The following CAB39L variants were observed in gnomAD, a reference collection of about 807,000 sequenced individuals.
The protein encoded by CAB39L is calcium-binding protein 39-like.
CAB39L carries 23 observed loss-of-function variants against 39.1 expected under a neutral mutation model. The observed-to-expected ratio is 0.59, with a 90% CI of 0.42 to 0.83. CAB39L has a LOEUF of 0.83. Among genes scored for constraint, CAB39L ranks in the 40% least tolerant of loss-of-function variants. The pLI is 0.00. For missense variants in CAB39L, 366 were observed against 391.9 expected (o/e 0.93, Z 0.56); for synonymous variants, 126 against 137.2 (o/e 0.92, Z 0.57).
At chr13:49,395,393 G>C (rs890548533) in intron 3 of CAB39L, among the ~76,000 whole-genome samples, 1 of 151,730 alleles carries the variant, frequency 6.6e-6, no homozygotes, top group East Asian at 1.9e-4. Context: ...TCACCACCAC[G>C]TTCGGCTATT....
intron 5 of CAB39L, among the ~76,000 whole-genome samples, chr13:49,364,702 A>C (rs528428172): frequency 2.6e-5 from 4 of 152,244 alleles, no homozygotes; most frequent in African/African-American, 9.6e-5. Flanking sequence ...AATAGCAACA[A>C]ATAAAATTAA....
At chr13:49,388,549 A>G (rs902902795) in intron 3 of CAB39L, among the ~76,000 whole-genome samples, 3 of 152,208 alleles carry the variant, frequency 2.0e-5, no homozygotes, top group Non-Finnish European at 4.4e-5. Flanking sequence ...TCCTTAGCCA[A>G]TATACCATTT....
chr13:49,346,041 G>A (rs1321046462), intron 7 of CAB39L, among the ~76,000 whole-genome samples: 1 of 106,848 alleles, frequency 9.4e-6, no homozygotes, highest in African/African-American at 3.6e-5. Flanking sequence ...TAATAGGGTG[G>A]GGTAGAATTC....
chr13:49,341,061 G>A (rs1421017039), intron 8 of CAB39L, among the ~76,000 whole-genome samples: 3 of 151,988 alleles, frequency 2.0e-5, no homozygotes, highest in African/African-American at 7.2e-5. Context: ...TCATTCTATA[G>A]GAAAAAATAG....
chr13:49,429,215 C>G (rs972355348), intron 3 of CAB39L, among the ~76,000 whole-genome samples: 1 of 152,150 alleles, frequency 6.6e-6, no homozygotes, highest in Non-Finnish European at 1.5e-5. Flanking sequence ...CCTGCTTCAA[C>G]CTTCCTAGTA....
At chr13:49,376,880 A>G (rs1036679165) in intron 5 of CAB39L, 87 bp downstream of exon 5, 9 of 529,384 alleles carry the variant, frequency 1.7e-5, no homozygotes, top group Non-Finnish European at 2.5e-5. Context: ...ATGAAAAGCA[A>G]AAGTTGAATA....
chr13:49,421,877 TTAAG>T (rs1957176611), intron 3 of CAB39L, among the ~76,000 whole-genome samples: 1 of 152,018 alleles, frequency 6.6e-6, no homozygotes. Context: ...AAACACAGAT[TTAAG>T]TAAGACCCAG....
intron 3 of CAB39L, among the ~76,000 whole-genome samples, chr13:49,416,103 T>C (rs1412175913): frequency 1.3e-5 from 2 of 152,232 alleles, no homozygotes; most frequent in Non-Finnish European, 2.9e-5. Flanking sequence ...AGAGCATTTA[T>C]GCTGAACCAC....
At chr13:49,391,447 C>T (rs1956487016) in intron 3 of CAB39L, among the ~76,000 whole-genome samples, 1 of 152,084 alleles carries the variant, frequency 6.6e-6, no homozygotes, top group Non-Finnish European at 1.5e-5. Flanking sequence ...GTCTGTGATG[C>T]TTAATATGAC....
chr13:49,384,377 G>A (rs1005043525), intron 3 of CAB39L, among the ~76,000 whole-genome samples: 2 of 152,188 alleles, frequency 1.3e-5, no homozygotes, highest in Non-Finnish European at 2.9e-5. Context: ...TTCCTCCACT[G>A]AAGTCTTGAA....
intron 1 of CAB39L, among the ~76,000 whole-genome samples, chr13:49,437,494 T>C (rs182040391): frequency 6.6e-6 from 1 of 152,320 alleles, no homozygotes; most frequent in Non-Finnish European, 1.5e-5. Context: ...TTTTGTCTAA[T>C]GGATCTTACA....
intron 1 of CAB39L, among the ~76,000 whole-genome samples, chr13:49,437,303 G>A (rs754863332): frequency 6.6e-6 from 1 of 151,896 alleles, no homozygotes; most frequent in Non-Finnish European, 1.5e-5. Context: ...TTTTGGGTGG[G>A]AGAAATGAGT....
rs554111117 is a variant in CAB39L at position 49,430,034 on chromosome 13, C to T, written c.-32+3284G>A. On this transcript the variant is annotated intron_variant, in intron 3 of 10. Transcript: ENST00000409308. The stretch of plus-strand genomic sequence containing the variant: ...TAATAATTCTATTCTATAAAATGCT[C>T]TTCAGTGTTTTGTTTTGTTTTTTCA... Among the ~76,000 whole-genome samples the T allele has an allele frequency of 2.6e-5, 4 of 152,160 alleles. No individual in the cohort carries two copies. The East Asian group carries it at 7.7e-4, about 29-fold the overall frequency.
chr13:49,414,519 TTA>T (rs1182392772), intron 3 of CAB39L, among the ~76,000 whole-genome samples: 25 of 152,330 alleles, frequency 1.6e-4, no homozygotes, highest in Middle Eastern at 3.4e-3. Context: ...GTTGAATAAA[TTA>T]TGTTATGCTA....
intron 3 of CAB39L, among the ~76,000 whole-genome samples, chr13:49,421,919 A>G (rs9596101): frequency 0.027 from 4,113 of 152,228 alleles, 183 homozygotes; most frequent in African/African-American, 0.09. Flanking sequence ...CACACAAAAA[A>G]TAATAATAAT....
At chr13:49,314,325 G>A (rs140538176) in intron 10 of CAB39L, among the ~76,000 whole-genome samples, 3 of 152,196 alleles carry the variant, frequency 2.0e-5, no homozygotes, top group Non-Finnish European at 4.4e-5. Flanking sequence ...TGGGTGGGGA[G>A]AATGTGCTGG....
chr13:49,331,827 C>G (rs1430783547), intron 10 of CAB39L, 120 bp downstream of exon 10: 1 of 925,074 alleles, frequency 1.1e-6, no homozygotes, highest in Non-Finnish European at 1.6e-6. Context: ...ATGCAAAACA[C>G]AAAGACTGCC....
rs3764090 is a variant in CAB39L, at chr13:49,434,165, A to G, written c.-187T>C. 0.76 allele frequency: 344,747 copies of G among 456,388 alleles called. 131,792 individuals carry two copies. The highest frequency in any genetic ancestry group is 0.93 in the African/African-American group (46,719 of 50,178). The allele number at this position is 456,388 out of a possible 1,614,324, so 28.3% of individuals were successfully genotyped here. The stretch of plus-strand genomic sequence containing the variant: ...TGGGGTTCGCATCTTTACGTTCTGA[A>G]CAGCAACTTAGAACACTTTGCTCCT... On this transcript the variant is annotated 5_prime_UTR_variant, in exon 2 of 11. Coordinates refer to ENST00000409308, the MANE Select transcript of CAB39L (RefSeq NM_001079670.3).
chr13:49,350,928 G>A lies in CAB39L; in HGVS notation c.396-16C>T. 1 of 1,543,176 alleles carries A rather than the reference G, an allele frequency of 6.5e-7. No homozygotes were observed. The highest frequency in any genetic ancestry group is 8.7e-7 in the Non-Finnish European group (1 of 1,143,794). ...GGCTTCATATCTAAAGCGTAAACAA[G>A]AGAGAAATAGAGAACTCTGTTATCC... On this transcript the variant is annotated splice_polypyrimidine_tract_variant and intron_variant, in intron 6 of 10. Coordinates refer to ENST00000409308, the MANE Select transcript of CAB39L (RefSeq NM_001079670.3).
Sources: allele counts gnomAD v4.1 joint callset (sites outside exome capture counted in the v4.1 genomes callset), GRCh38; gene constraint gnomAD v4.1.1; transcripts MANE v1.5; gene names NCBI Gene and HGNC (gene_info 2026-07-23, HGNC 2026-07-21).